The following SENP6 variants were observed in gnomAD, a reference collection of about 807,000 sequenced individuals.
SENP6 encodes SUMO specific peptidase 6.
Under a neutral mutation model 134.5 loss-of-function variants are expected in SENP6, and 41 were observed. The observed-to-expected ratio is 0.30, with a 90% CI of 0.24 to 0.40. The LOEUF (loss-of-function observed/expected upper bound fraction) is 0.40, where lower values mean the gene tolerates loss of function less well. Among genes scored for constraint, SENP6 ranks in the 10% least tolerant of loss-of-function variants. The pLI, the probability that SENP6 is intolerant of heterozygous loss-of-function variation, is 1.00. For synonymous variants in SENP6, 395 were observed against 429.8 expected (o/e 0.92, Z 1.00); for missense variants, 1,248 against 1,312.5 (o/e 0.95, Z 0.76).
At chr6:75,703,333 T>A (rs977451060) in intron 19 of SENP6, among the ~76,000 whole-genome samples, 1 of 152,124 alleles carries the variant, frequency 6.6e-6, no homozygotes, top group Non-Finnish European at 1.5e-5. Context: ...AATTTACTTA[T>A]AACAATATAG....
intron 13 of SENP6, 128 bp downstream of exon 13, chr6:75,676,182 C>A (rs1327350990): frequency 1.9e-6 from 1 of 519,344 alleles, no homozygotes; most frequent in Non-Finnish European, 3.2e-6. Flanking sequence ...TTGTCACAGC[C>A]ACCTTGTGAA....
rs749733419 is a variant in SENP6 at position 75,695,873 on chromosome 6, T to C, written c.2145T>C (p.Tyr715=). The change falls in exon 17 of 24, where the codon TAT becomes TAC. Residue 715 remains tyrosine, a synonymous_variant. Coordinates refer to ENST00000447266, the MANE Select transcript of SENP6 (RefSeq NM_015571.4). ...DRIHIFSSFF[Y]KRLNQRERRN... Reference sequence around the variant, plus strand: ...TTCATATATTCAGTTCTTTTTTCTATAAACGCCTTAATCAGAGAGAGAGGA... The same window carrying C: ...TTCATATATTCAGTTCTTTTTTCTACAAACGCCTTAATCAGAGAGAGAGGA... 1 of 1,607,892 alleles carries C rather than the reference T, an allele frequency of 6.2e-7. No individual in the cohort carries two copies. The highest frequency in any genetic ancestry group is 1.1e-5 in the South Asian group (1 of 89,334).
At position 75,602,023 on chromosome 6, in the gene SENP6, G is replaced by C. The variant is rs1766658207; in HGVS notation, c.-502G>C. The C allele has an allele frequency of 6.5e-6, 1 of 154,626 alleles. No individual in the cohort carries two copies. 9.6% of individuals were successfully genotyped at this position (154,626 alleles called of 1,614,324 possible). ...TGGGCGGACGGCCGTAGCGGCGGCG[G>C]CTGCAGAACGAGCTAGGGGCCTGGG... On this transcript the variant is annotated 5_prime_UTR_variant, in exon 1 of 24. Transcript: ENST00000447266.
intron 9 of SENP6, among the ~76,000 whole-genome samples, chr6:75,664,260 T>TA (rs201451056): frequency 1.7e-3 from 237 of 140,246 alleles, no homozygotes; most frequent in Middle Eastern, 3.7e-3. Flanking sequence ...ACCCTGTTGC[T>TA]AAAAAAAAAA....
At position 75,666,724 on chromosome 6, in the gene SENP6, GTGA is replaced by G. The variant is rs769054714; in HGVS notation, c.1020_1022del (p.Asp341del). On this transcript the variant is annotated inframe_deletion, in exon 10 of 24. Transcript: ENST00000447266. ...AAAATACTTTTAGTCATTTTGTCCA[GTGA>G]TGATGATGATGACAACGACAGAACT... is the stretch of plus-strand genomic sequence containing the variant. The G allele has an allele frequency of 7.0e-5, 107 of 1,537,128 alleles. No individual in the cohort carries two copies. Among genetic ancestry groups the G allele is most frequent in the South Asian group, 2.3e-4 (18 of 78,358 alleles).
At chr6:75,629,675 T>A (rs1768961826) in intron 3 of SENP6, among the ~76,000 whole-genome samples, 1 of 152,198 alleles carries the variant, frequency 6.6e-6, no homozygotes, top group Non-Finnish European at 1.5e-5. Flanking sequence ...TCTTTGTGTG[T>A]CCCAGGGATA....
At chr6:75,676,326 T>A (rs1773083466) in intron 13 of SENP6, among the ~76,000 whole-genome samples, 1 of 152,148 alleles carries the variant, frequency 6.6e-6, no homozygotes, top group Non-Finnish European at 1.5e-5. Flanking sequence ...CACTCTTAAC[T>A]AACACTGTAA....
chr6:75,715,670 G>A lies in SENP6; in HGVS notation c.*76G>A, dbSNP rs1263885076. 7 of 1,065,756 alleles carry A rather than the reference G, an allele frequency of 6.6e-6. No individual in the cohort carries two copies. The East Asian group carries it at 1.4e-4, about 22-fold the overall frequency. The allele number at this position is 1,065,756 out of a possible 1,614,324, so 66.0% of individuals were successfully genotyped here. A position where few individuals can be genotyped will look rare whatever the true frequency, so the allele number is the denominator to read the frequency against. ...ATTTGGGTATAGACAATAAAGAACTGAAGTGCTCACTACTCAGTGATTTGG... is the reference window on the plus strand; with the variant it reads ...ATTTGGGTATAGACAATAAAGAACTAAAGTGCTCACTACTCAGTGATTTGG... On this transcript the variant is annotated 3_prime_UTR_variant, in exon 24 of 24. Transcript: ENST00000447266.
intron 10 of SENP6, among the ~76,000 whole-genome samples, chr6:75,668,551 C>T (rs1452689044): frequency 6.6e-6 from 1 of 152,154 alleles, no homozygotes; most frequent in African/African-American, 2.4e-5. Flanking sequence ...TTGTGAACTT[C>T]AGATTGCTGA....
At chr6:75,614,272 T>TG (rs1337976574) in intron 1 of SENP6, among the ~76,000 whole-genome samples, 50 of 150,482 alleles carry the variant, frequency 3.3e-4, no homozygotes, top group African/African-American at 1.0e-3. Context: ...TTTTTTTTTT[T>TG]TTTTTTTGTT....
At chr6:75,625,277 A>G (rs1768595096) in intron 3 of SENP6, among the ~76,000 whole-genome samples, 1 of 151,486 alleles carries the variant, frequency 6.6e-6, no homozygotes, top group South Asian at 2.1e-4. Flanking sequence ...ATGCCTGGCT[A>G]ATTTTTTTTT....
intron 18 of SENP6, 79 bp from the exon 19 acceptor site, chr6:75,702,566 A>G: frequency 7.7e-7 from 1 of 1,299,416 alleles, no homozygotes; most frequent in East Asian, 2.6e-5. Flanking sequence ...TTAGAAAAAA[A>G]CATTTTAATT....
chr6:75,643,451 C>T (rs1265261884), intron 6 of SENP6, among the ~76,000 whole-genome samples: 1 of 152,158 alleles, frequency 6.6e-6, no homozygotes, highest in Non-Finnish European at 1.5e-5. Context: ...GATAAAGGAG[C>T]ACATTTTGTA....
chr6:75,666,217 TATG>T (rs1343956444), intron 9 of SENP6, among the ~76,000 whole-genome samples: 1 of 142,390 alleles, frequency 7.0e-6, no homozygotes, highest in Non-Finnish European at 1.5e-5. Context: ...TATATATAAG[TATG>T]ATATATATAA....
chr6:75,696,188 CTCTTA>C (rs1774649712), intron 17 of SENP6, among the ~76,000 whole-genome samples: 1 of 152,092 alleles, frequency 6.6e-6, no homozygotes, highest in African/African-American at 2.4e-5. Context: ...TCATTTAGTT[CTCTTA>C]TCAGTTTACA....
At chr6:75,676,418 C>A (rs922606634) in intron 13 of SENP6, among the ~76,000 whole-genome samples, 1 of 152,032 alleles carries the variant, frequency 6.6e-6, no homozygotes, top group Non-Finnish European at 1.5e-5. Flanking sequence ...TGAAACTTGG[C>A]CTGAATAGGA....
chr6:75,693,409 TAAAAA>T (rs534341760), intron 16 of SENP6, among the ~76,000 whole-genome samples: 2 of 123,996 alleles, frequency 1.6e-5, no homozygotes, highest in Non-Finnish European at 3.3e-5. Flanking sequence ...GTCTGAAATT[TAAAAA>T]AAAAAAAAAA....
intron 18 of SENP6, among the ~76,000 whole-genome samples, chr6:75,700,485 AATTTT>A (rs1774952243): frequency 6.6e-6 from 1 of 151,970 alleles, no homozygotes; most frequent in Non-Finnish European, 1.5e-5. Flanking sequence ...ATATTTCATC[AATTTT>A]ATTTTATTTA....
chr6:75,677,433 G>A, intron 14 of SENP6, 177 bp downstream of exon 14: 3 of 525,326 alleles, frequency 5.7e-6, no homozygotes, highest in Non-Finnish European at 9.9e-6. Flanking sequence ...GTGGGTAGGT[G>A]CCAAATACCA....
Sources: allele counts gnomAD v4.1 joint callset (sites outside exome capture counted in the v4.1 genomes callset), GRCh38; gene constraint gnomAD v4.1.1; transcripts MANE v1.5; gene names NCBI Gene and HGNC (gene_info 2026-07-23, HGNC 2026-07-21).